Variants in CABIN1 observed in about 807,000 individuals in gnomAD.
CABIN1 encodes the protein calcineurin binding protein 1.
Under a neutral mutation model 227.7 loss-of-function variants are expected in CABIN1, and 133 were observed. The observed-to-expected ratio is 0.58, with a 90% confidence interval of 0.51 to 0.67. CABIN1 has a LOEUF of 0.67. Among genes scored for constraint, CABIN1 ranks in the 30% least tolerant of loss-of-function variants. CABIN1 has a pLI of 0.00. For missense variants in CABIN1, 2,408 were observed against 2,852.5 expected (o/e 0.84, Z 3.55); for synonymous variants, 1,086 against 1,155.1 (o/e 0.94, Z 1.21).
chr22:24,047,632 G>A lies in CABIN1; in HGVS notation c.527-1459G>A, dbSNP rs5996664. Reference sequence around the variant, plus strand: ...GCACAGCCTTTGTGCACCTTGGGGCGTGTGGCCCTGCTGAGCATTGTGGCC... The same window carrying A: ...GCACAGCCTTTGTGCACCTTGGGGCATGTGGCCCTGCTGAGCATTGTGGCC... On this transcript the variant is annotated intron_variant, in intron 6 of 36. Transcript: ENST00000263119. Among the ~76,000 whole-genome samples, 436 of 152,350 alleles carry A rather than the reference G, an allele frequency of 2.9e-3. 6 individuals carry two copies. The highest frequency in any genetic ancestry group is 9.6e-3 in the African/African-American group (400 of 41,584).
At chr22:24,013,632 C>T (rs924081718) in intron 1 of CABIN1, among the ~76,000 whole-genome samples, 10 of 152,188 alleles carry the variant, frequency 6.6e-5, no homozygotes, top group African/African-American at 2.2e-4. Flanking sequence ...GAACAGAAAT[C>T]TAGTGTTGGT....
chr22:24,090,035 G>A (rs2041439719), intron 23 of CABIN1, among the ~76,000 whole-genome samples: 1 of 152,242 alleles, frequency 6.6e-6, no homozygotes, highest in South Asian at 2.1e-4. Context: ...TGGCAAGGTA[G>A]TGAGATGGTG....
At chr22:24,029,414 T>C (rs1001178177) in intron 1 of CABIN1, among the ~76,000 whole-genome samples, 1 of 152,168 alleles carries the variant, frequency 6.6e-6, no homozygotes, top group Non-Finnish European at 1.5e-5. Context: ...TAGCCAGGCA[T>C]GGTGCCATGC....
At position 24,083,338 on chromosome 22, in the gene CABIN1, C is replaced by T. The variant is rs552032793; in HGVS notation, c.2859C>T (p.Phe953=). 2.5e-5 allele frequency: 41 copies of T among 1,613,960 alleles called. No homozygotes were observed. In the East Asian group the frequency reaches 5.3e-4, roughly 21 times the overall value. ...AGTGCTTCTACTGCCTGTACAGCTT[C>T]CCCAGCAAGAAGAGTAAGGCCAGGT... The part of the protein sequence containing the change: ...LEQCFYCLYS[F]PSKKSKARYL... The change falls in exon 20 of 37, where the codon TTC becomes TTT. Residue 953 remains phenylalanine (F), a synonymous_variant. Coordinates refer to ENST00000263119, the MANE Select transcript of CABIN1 (RefSeq NM_012295.4).
chr22:24,021,890 G>T (rs563858109), intron 1 of CABIN1, among the ~76,000 whole-genome samples: 25 of 151,992 alleles, frequency 1.6e-4, no homozygotes, highest in Non-Finnish European at 3.4e-4. Flanking sequence ...TCACCATGTT[G>T]GCCAGGCTGG....
intron 1 of CABIN1, among the ~76,000 whole-genome samples, chr22:24,022,716 T>A (rs1005271288): frequency 2.0e-5 from 3 of 152,228 alleles, no homozygotes; most frequent in Non-Finnish European, 4.4e-5. Context: ...TGTATGATTC[T>A]TCCAGTTGCT....
chr22:24,136,919 A>G (rs779698012), intron 29 of CABIN1, among the ~76,000 whole-genome samples: 1 of 152,142 alleles, frequency 6.6e-6, no homozygotes, highest in Non-Finnish European at 1.5e-5. Flanking sequence ...TTATATATCA[A>G]TGAAGTGAGC....
chr22:24,076,566 T>TA (rs2040458621), intron 19 of CABIN1, among the ~76,000 whole-genome samples: 1 of 152,164 alleles, frequency 6.6e-6, no homozygotes, highest in Non-Finnish European at 1.5e-5. Context: ...TACTAGTCCT[T>TA]ACTGAGTTTC....
intron 32 of CABIN1, among the ~76,000 whole-genome samples, chr22:24,168,246 G>A (rs904540948): frequency 7.9e-5 from 12 of 152,334 alleles, no homozygotes; most frequent in South Asian, 2.1e-4. Flanking sequence ...TGCTACCCAC[G>A]AAGAGCTGGG....
chr22:24,026,478 T>C (rs2036096939), intron 1 of CABIN1, among the ~76,000 whole-genome samples: 1 of 152,204 alleles, frequency 6.6e-6, no homozygotes, highest in South Asian at 2.1e-4. Context: ...ACCCTAGGTT[T>C]CAAGGATTTT....
chr22:24,080,233 T>G (rs1441166512), intron 19 of CABIN1, among the ~76,000 whole-genome samples: 1 of 152,244 alleles, frequency 6.6e-6, no homozygotes, highest in Non-Finnish European at 1.5e-5. Flanking sequence ...ACATGTTGGC[T>G]CTGTTCTTTT....
intron 29 of CABIN1, among the ~76,000 whole-genome samples, chr22:24,135,397 AAAAG>A (rs1286942540): frequency 6.6e-6 from 1 of 152,166 alleles, no homozygotes; most frequent in African/African-American, 2.4e-5. Context: ...CTTAAAAAAA[AAAAG>A]AGTGTGACCA....
In CABIN1 at chr22:24,166,782, A is replaced by G. The variant is rs1211145997; in HGVS notation, c.5151A>G (p.Pro1717=). 5.0e-6 allele frequency: 8 copies of G among 1,612,810 alleles called. No homozygotes were observed. The highest frequency in any genetic ancestry group is 1.3e-5 in the African/African-American group (1 of 74,932). The change falls in exon 32 of 37, where the codon CCA becomes CCG. Residue 1717 remains proline, a synonymous_variant. Transcript: ENST00000263119. ...KKPPLADGSG[P]GPEPGGKVGL... ...CCCCTCTGGCTGATGGCTCAGGGCC[A>G]GGGCCCGAGCCAGGAGGCAAAGTGG...
At chr22:24,123,912 G>T (rs1265292573) in intron 28 of CABIN1, among the ~76,000 whole-genome samples, 2 of 152,234 alleles carry the variant, frequency 1.3e-5, no homozygotes, top group African/African-American at 4.8e-5. Flanking sequence ...CTTCAAAGGG[G>T]CCCACAAGCA....
At position 24,087,502 on chromosome 22, in the gene CABIN1, A is replaced by G; in HGVS notation, c.3314A>G (p.Asp1105Gly). The change falls in exon 23 of 37, where the codon GAC becomes GGC. Residue 1105 changes from aspartate to glycine, a missense_variant. Coordinates refer to ENST00000263119, the MANE Select transcript of CABIN1 (RefSeq NM_012295.4). ...CTGGCCCGGGCCAGCCGCATTCAGG[A>G]CAAGCTGAACTCCAATGAGCTGAAG... is the stretch of plus-strand genomic sequence containing the variant. ...MALARASRIQ[D>G]KLNSNELKSD... is the part of the protein sequence containing the mutation. The G allele has an allele frequency of 6.2e-7, 1 of 1,614,144 alleles. No homozygotes were observed. The highest frequency in any genetic ancestry group is 8.5e-7 in the Non-Finnish European group (1 of 1,180,016).
chr22:24,083,721 T>G (rs1395741923), intron 20 of CABIN1, among the ~76,000 whole-genome samples: 1 of 152,136 alleles, frequency 6.6e-6, no homozygotes, highest in Non-Finnish European at 1.5e-5. Flanking sequence ...TGTGATTGCA[T>G]CTGTGAATAG....
At chr22:24,171,282 T>C (rs2046796344) in intron 33 of CABIN1, among the ~76,000 whole-genome samples, 1 of 152,164 alleles carries the variant, frequency 6.6e-6, no homozygotes, top group Admixed American at 6.5e-5. Context: ...CTCAGGACTC[T>C]CCCATGAGTG....
At chr22:24,055,941 T>C (rs1237042020) in intron 9 of CABIN1, among the ~76,000 whole-genome samples, 1 of 152,178 alleles carries the variant, frequency 6.6e-6, no homozygotes, top group Non-Finnish European at 1.5e-5. Context: ...TTGCTTGCTT[T>C]GTAGCTGTGG....
Position 24,177,519 on chromosome 22 carries a change from C to G in CABIN1, c.6221C>G (p.Pro2074Arg). 1 of 1,536,908 alleles carries G rather than the reference C, an allele frequency of 6.5e-7. No homozygotes were observed. Among genetic ancestry groups the G allele is most frequent in the African/African-American group, 1.4e-5 (1 of 72,520 alleles). ...TGTCTTCCAGAGGGGAAACTGAGGC[C>G]TGAGCCGAGAAGGGATGGGGAGGCT... ...PTCSQEGKLR[P>R]EPRRDGEAQE... The change falls in exon 36 of 37, where the codon CCT becomes CGT. Residue 2074 changes from proline to arginine, a missense_variant. Transcript: ENST00000263119. This position sits in a 1 kb window ranked among gnomAD's most constrained non-coding sequence, Gnocchi z 4.4.
Sources: gnomAD v4.1 joint callset for allele counts (sites outside exome capture counted in the v4.1 genomes callset) on GRCh38, gnomAD v4.1.1 for gene constraint, Gnocchi (gnomAD v3.1) non-coding constraint, MANE v1.5 for transcripts, NCBI Gene and HGNC (gene_info 2026-07-23, HGNC 2026-07-21) for gene names.